The following TSPAN5 variants were observed in gnomAD, a reference collection of about 807,000 sequenced individuals.
The protein encoded by TSPAN5 is tetraspanin 5, also known as tetraspanin-5.
A neutral mutation model predicts 37.1 loss-of-function variants in TSPAN5; 10 were observed. The observed-to-expected ratio is 0.27, with a 90% confidence interval of 0.17 to 0.46. The LOEUF (loss-of-function observed/expected upper bound fraction) is 0.46. Ranked by LOEUF, TSPAN5 falls within the 20% of genes least tolerant of loss-of-function variation. TSPAN5 has a pLI of 1.00. For synonymous variants in TSPAN5, 110 were observed against 118.9 expected (o/e 0.93, Z 0.48); for missense variants, 195 against 326.6 (o/e 0.60, Z 3.11).
At chr4:98,548,887 GT>G (rs373298301) in intron 1 of TSPAN5, among the ~76,000 whole-genome samples, 82,764 of 129,758 alleles carry the variant, frequency 0.64, 23,195 homozygotes, top group South Asian at 0.78. Context: ...GTATTCCAAG[GT>G]GTGTGTGTGT....
intron 1 of TSPAN5, among the ~76,000 whole-genome samples, chr4:98,621,343 C>A (rs576939215): frequency 6.4e-4 from 96 of 150,830 alleles, no homozygotes; most frequent in African/African-American, 2.1e-3. Context: ...ATTACAGCAA[C>A]CCTAGGGAAC....
intron 1 of TSPAN5, among the ~76,000 whole-genome samples, chr4:98,513,505 G>A (rs1019516629): frequency 3.9e-5 from 6 of 152,122 alleles, no homozygotes; most frequent in African/African-American, 7.2e-5. Context: ...TGAAACGGTC[G>A]GAATTGAGAG....
At chr4:98,614,822 C>T (rs1043877872) in intron 1 of TSPAN5, among the ~76,000 whole-genome samples, 1 of 152,140 alleles carries the variant, frequency 6.6e-6, no homozygotes, top group African/African-American at 2.4e-5. Context: ...TGTGACTAAA[C>T]GTACAAGTTC....
chr4:98,478,712 T>G lies in TSPAN5; in HGVS notation c.549A>C (p.Pro183=). 6.2e-7 allele frequency: 1 copy of G among 1,614,196 alleles called. No homozygotes were observed. Among genetic ancestry groups the G allele is most frequent in the Non-Finnish European group, 8.5e-7 (1 of 1,180,038 alleles). ...CGGGATCTTTAGTGCAGCAGGAGAA[T>G]GGAACGCCACATCGCTCTCGACTTG... is the stretch of plus-strand genomic sequence containing the variant. ...SNASRERCGV[P]FSCCTKDPAE... The change falls in exon 5 of 8, where the codon CCA becomes CCC. Residue 183 remains proline (P), a synonymous_variant. Transcript: ENST00000305798.
chr4:98,470,528 T>C lies in TSPAN5; in HGVS notation c.*1994A>G, dbSNP rs1467057121. The C allele has an allele frequency of 6.6e-6, 1 of 152,232 alleles. No homozygotes were observed. The highest frequency in any genetic ancestry group is 1.5e-5 in the Non-Finnish European group (1 of 68,048). The allele number at this position is 152,232 out of a possible 1,614,324, so 9.4% of individuals were successfully genotyped here. On this transcript the variant is annotated 3_prime_UTR_variant, in exon 8 of 8. Coordinates refer to ENST00000305798, the MANE Select transcript of TSPAN5 (RefSeq NM_005723.4). ...GGGATCTTGCCTGATTCTGAATCAA[T>C]TGGCCAGATGGAGTTCACTGGAGAA...
chr4:98,619,102 C>T (rs1390481652), intron 1 of TSPAN5, among the ~76,000 whole-genome samples: 2 of 152,192 alleles, frequency 1.3e-5, no homozygotes, highest in Non-Finnish European at 2.9e-5. Context: ...CTCCTACTAC[C>T]TCTCATTCTT....
intron 1 of TSPAN5, among the ~76,000 whole-genome samples, chr4:98,638,902 C>T (rs114082638): frequency 2.1e-3 from 313 of 152,350 alleles, no homozygotes; most frequent in African/African-American, 7.1e-3. Flanking sequence ...GGCAGCTGCA[C>T]ATGCAGTGAG....
chr4:98,553,360 C>A (rs1167711203), intron 1 of TSPAN5, among the ~76,000 whole-genome samples: 4 of 152,180 alleles, frequency 2.6e-5, no homozygotes. Flanking sequence ...AAATATCACA[C>A]AGTTTTTAAA....
At chr4:98,473,953 T>C (rs927764831) in intron 7 of TSPAN5, among the ~76,000 whole-genome samples, 1 of 152,184 alleles carries the variant, frequency 6.6e-6, no homozygotes, top group South Asian at 2.1e-4. Context: ...TGTCTTTTTA[T>C]TGTTGACTTT....
intron 1 of TSPAN5, among the ~76,000 whole-genome samples, chr4:98,545,624 G>A (rs530534081): frequency 6.6e-6 from 1 of 152,062 alleles, no homozygotes; most frequent in African/African-American, 2.4e-5. Context: ...CTGCTTCCTG[G>A]GCTCAGGTGA....
intron 1 of TSPAN5, among the ~76,000 whole-genome samples, chr4:98,531,994 C>T (rs1264079444): frequency 6.6e-6 from 1 of 152,070 alleles, no homozygotes; most frequent in South Asian, 2.1e-4. Flanking sequence ...AAAATTTTCT[C>T]CCACCTTGTA....
intron 1 of TSPAN5, among the ~76,000 whole-genome samples, chr4:98,589,068 C>T (rs1755561116): frequency 6.6e-6 from 1 of 152,180 alleles, no homozygotes; most frequent in South Asian, 2.1e-4. Flanking sequence ...CCAGACTCCA[C>T]ACTCCTGATC....
chr4:98,655,440 C>T (rs1480998718), intron 1 of TSPAN5, among the ~76,000 whole-genome samples: 11 of 152,080 alleles, frequency 7.2e-5, no homozygotes, highest in African/African-American at 2.7e-4. Context: ...AAACTGAGGC[C>T]CAGGCAGTTA....
At chr4:98,477,144 G>A (rs1039081713) in intron 5 of TSPAN5, among the ~76,000 whole-genome samples, 2 of 152,214 alleles carry the variant, frequency 1.3e-5, no homozygotes, top group African/African-American at 2.4e-5. Context: ...TTCTCCCAAG[G>A]GAGTGTTAAT....
intron 1 of TSPAN5, among the ~76,000 whole-genome samples, chr4:98,526,241 C>G (rs113648648): frequency 2.4e-4 from 37 of 152,196 alleles, no homozygotes; most frequent in Admixed American, 1.3e-4. Flanking sequence ...AATTGAGAAT[C>G]TCCATTTAGA....
chr4:98,577,776 T>C, intron 1 of TSPAN5, among the ~76,000 whole-genome samples: 1 of 152,206 alleles, frequency 6.6e-6, no homozygotes, highest in Admixed American at 6.5e-5. Context: ...CAATTGGCTG[T>C]GTGAGTGACT....
chr4:98,623,939 A>G (rs893498301), intron 1 of TSPAN5, among the ~76,000 whole-genome samples: 3 of 152,188 alleles, frequency 2.0e-5, no homozygotes, highest in Non-Finnish European at 4.4e-5. Context: ...TTTGGATATT[A>G]GTTATTTAAG....
chr4:98,658,016 C>T (rs559397735), intron 1 of TSPAN5, 130 bp downstream of exon 1: 3 of 805,954 alleles, frequency 3.7e-6, no homozygotes, highest in African/African-American at 3.4e-5. Context: ...AGGCGGAAGG[C>T]GAATGCCTCT....
At chr4:98,578,372 C>A (rs1755291633) in intron 1 of TSPAN5, among the ~76,000 whole-genome samples, 1 of 152,114 alleles carries the variant, frequency 6.6e-6, no homozygotes, top group Non-Finnish European at 1.5e-5. Context: ...TTAGCTCTTC[C>A]CCAAATAATA....
Sources: gnomAD v4.1 joint callset for allele counts (sites outside exome capture counted in the v4.1 genomes callset) on GRCh38, gnomAD v4.1.1 for gene constraint, MANE v1.5 for transcripts, NCBI Gene and HGNC (gene_info 2026-07-23, HGNC 2026-07-21) for gene names.